NCOA1: variants seen among roughly 807,000 people sequenced by gnomAD.
The protein encoded by NCOA1 is Hin-2 protein.
NCOA1 carries 35 observed loss-of-function variants against 150.9 expected under a neutral mutation model. The observed-to-expected ratio is 0.23, with a 90% CI of 0.18 to 0.31. NCOA1 has a LOEUF of 0.31. Among genes scored for constraint, NCOA1 ranks in the 10% least tolerant of loss-of-function variants. The probability of loss-of-function intolerance (pLI) is 1.00; values close to 1 mark genes in which losing one functional copy is unlikely to be tolerated. For missense variants in NCOA1, 1,491 were observed against 1,749.3 expected (o/e 0.85, Z 2.63); for synonymous variants, 590 against 630.0 (o/e 0.94, Z 0.95).
At chr2:24,555,371 C>T (rs1430848220) in intron 1 of NCOA1, among the ~76,000 whole-genome samples, 6 of 152,018 alleles carry the variant, frequency 3.9e-5, no homozygotes, top group Admixed American at 1.3e-4. Flanking sequence ...GTTTGTTTTA[C>T]GGGCCAGAAT....
intron 1 of NCOA1, among the ~76,000 whole-genome samples, chr2:24,495,557 C>T (rs1473374582): frequency 6.6e-6 from 1 of 152,068 alleles, no homozygotes; most frequent in Non-Finnish European, 1.5e-5. Flanking sequence ...CCATTAGGCA[C>T]AGACAGGCCA....
intron 13 of NCOA1, among the ~76,000 whole-genome samples, chr2:24,710,157 GATCTCGGCTCACT>G (rs1673670055): frequency 1.3e-5 from 2 of 151,882 alleles, no homozygotes; most frequent in African/African-American, 2.4e-5. Flanking sequence ...GCAGTGGCAC[GATCTCGGCTCACT>G]GCAACCTCCG....
At chr2:24,602,736 C>T (rs1009847416) in intron 3 of NCOA1, among the ~76,000 whole-genome samples, 4 of 151,734 alleles carry the variant, frequency 2.6e-5, no homozygotes, top group Non-Finnish European at 5.9e-5. Flanking sequence ...ATTTGTTATC[C>T]TCCATATAAA....
In NCOA1 at chr2:24,647,031, G is replaced by A. The variant is rs773162928; in HGVS notation, c.-18+2909G>A. Among the ~76,000 whole-genome samples the A allele has an allele frequency of 2.0e-5, 3 of 152,176 alleles. 1 individual carries two copies. The highest frequency in any genetic ancestry group is 7.2e-5 in the African/African-American group (3 of 41,546). The stretch of plus-strand genomic sequence containing the variant: ...TATGATAGAAGGTAAGTCACGATTC[G>A]CTATATGAATAACTTTATTTTCATG... On this transcript the variant is annotated intron_variant, in intron 4 of 22. Coordinates refer to ENST00000348332, the MANE Select transcript of NCOA1 (RefSeq NM_003743.5).
chr2:24,728,219 G>T lies in NCOA1; in HGVS notation c.2718-89G>T. ...AGCATCTCAACAGTGAATTTTCTAA[G>T]ACCAAATTTGCATCTATATATGTAT... On this transcript the variant is annotated intron_variant, in intron 15 of 22. Transcript: ENST00000348332. The T allele has an allele frequency of 2.5e-6, 3 of 1,197,174 alleles. No homozygotes were observed. In the South Asian group the frequency reaches 5.3e-5, roughly 21 times the overall value. 74.2% of individuals were successfully genotyped at this position (1,197,174 alleles called of 1,614,324 possible). A position where few individuals can be genotyped will look rare whatever the true frequency, so the allele number is the denominator to read the frequency against.
chr2:24,541,451 T>C (rs1000318767), intron 1 of NCOA1, among the ~76,000 whole-genome samples: 1 of 152,176 alleles, frequency 6.6e-6, no homozygotes, highest in African/African-American at 2.4e-5. Context: ...CCTCCAGATC[T>C]GTTATGTGAG....
chr2:24,583,965 C>G (rs1013772751), intron 2 of NCOA1, among the ~76,000 whole-genome samples: 9 of 152,046 alleles, frequency 5.9e-5, no homozygotes, highest in African/African-American at 2.2e-4. Context: ...AGAATAAGTT[C>G]TGGTGTTCTG....
At chr2:24,617,083 A>G (rs190662429) in intron 3 of NCOA1, among the ~76,000 whole-genome samples, 26 of 152,274 alleles carry the variant, frequency 1.7e-4, no homozygotes, top group Admixed American at 1.6e-3. Context: ...CAAACTTACC[A>G]TCAAATACTT....
At chr2:24,556,738 G>A (rs1666089554) in intron 1 of NCOA1, among the ~76,000 whole-genome samples, 1 of 152,136 alleles carries the variant, frequency 6.6e-6, no homozygotes, top group South Asian at 2.1e-4. Context: ...ACAGATGGTG[G>A]TGAGACTGTG....
chr2:24,717,981 C>G (rs914915190), intron 14 of NCOA1, among the ~76,000 whole-genome samples: 1 of 149,872 alleles, frequency 6.7e-6, no homozygotes, highest in Non-Finnish European at 1.5e-5. Flanking sequence ...GCTACAACCT[C>G]TGCCTCTCAA....
intron 2 of NCOA1, among the ~76,000 whole-genome samples, chr2:24,574,643 A>G (rs1291770287): frequency 2.2e-5 from 2 of 89,728 alleles, no homozygotes; most frequent in African/African-American, 4.4e-5. Flanking sequence ...TGGACCTGAT[A>G]ATCTTTTTCT....
At chr2:24,712,409 T>A (rs892581488) in intron 14 of NCOA1, among the ~76,000 whole-genome samples, 1 of 152,152 alleles carries the variant, frequency 6.6e-6, no homozygotes, top group Non-Finnish European at 1.5e-5. Flanking sequence ...TCAGGGGACA[T>A]TGAATGGGCG....
At chr2:24,617,815 C>CA (rs2148400693) in intron 3 of NCOA1, among the ~76,000 whole-genome samples, 1 of 152,100 alleles carries the variant, frequency 6.6e-6, no homozygotes, top group South Asian at 2.1e-4. Context: ...TACCAAAAAA[C>CA]AAAAAATTGG....
rs1665538478 is a variant in NCOA1 at position 24,544,706 on chromosome 2, TCCTC to T, written c.-395-19585_-395-19582del. Among the ~76,000 whole-genome samples, 5 of 152,210 alleles carry T rather than the reference TCCTC, an allele frequency of 3.3e-5. No homozygotes were observed. In the South Asian group the frequency reaches 1.0e-3, roughly 32 times the overall value. The stretch of plus-strand genomic sequence containing the variant: ...GTGAGCCATGATTGTGCTGCTGCAC[TCCTC>T]CCTGGGTGACAGAATGAGACCCTGT... On this transcript the variant is annotated intron_variant, in intron 1 of 22. Transcript: ENST00000348332.
chr2:24,747,713 A>C (rs1664007491), intron 19 of NCOA1, among the ~76,000 whole-genome samples: 1 of 152,206 alleles, frequency 6.6e-6, no homozygotes, highest in African/African-American at 2.4e-5. Context: ...AAGGATCACA[A>C]CCAAAATAGT....
intron 14 of NCOA1, 44 bp from the exon 15 acceptor site, chr2:24,726,545 C>A: frequency 8.3e-7 from 1 of 1,201,632 alleles, no homozygotes; most frequent in Non-Finnish European, 1.2e-6. Context: ...ATCATTTTAT[C>A]CTCCACTGAG....
intron 3 of NCOA1, among the ~76,000 whole-genome samples, chr2:24,616,290 T>G (rs140243959): frequency 2.0e-4 from 30 of 152,336 alleles, no homozygotes; most frequent in South Asian, 1.2e-3. Context: ...GAAAAATAAT[T>G]TGTTACATAG....
intron 1 of NCOA1, among the ~76,000 whole-genome samples, chr2:24,530,184 A>C (rs1464099638): frequency 1.3e-5 from 2 of 152,086 alleles, no homozygotes; most frequent in Admixed American, 1.3e-4. Flanking sequence ...TGTTGGACAA[A>C]AGATATTCAA....
intron 7 of NCOA1, among the ~76,000 whole-genome samples, chr2:24,678,289 T>C (rs1672011563): frequency 6.6e-6 from 1 of 152,228 alleles, no homozygotes; most frequent in South Asian, 2.1e-4. Flanking sequence ...AGTCTATCAT[T>C]GATGGGCATT....
Sources: gnomAD v4.1 joint callset for allele counts (sites outside exome capture counted in the v4.1 genomes callset) on GRCh38, gnomAD v4.1.1 for gene constraint, MANE v1.5 for transcripts, NCBI Gene and HGNC (gene_info 2026-07-23, HGNC 2026-07-21) for gene names.